Variants in LRRC8C observed in about 807,000 individuals in gnomAD.
LRRC8C encodes leucine rich repeat containing 8 VRAC subunit C.
Under a neutral mutation model 55.3 loss-of-function variants are expected in LRRC8C, and 20 were observed. The observed-to-expected ratio is 0.36, with a 90% confidence interval of 0.25 to 0.53. The LOEUF (loss-of-function observed/expected upper bound fraction) is 0.53, where lower values mean the gene tolerates loss of function less well. Ranked by LOEUF, LRRC8C falls within the 20% of genes least tolerant of loss-of-function variation. The pLI is 0.92. For missense variants in LRRC8C, 659 were observed against 951.4 expected (o/e 0.69, Z 4.04); for synonymous variants, 376 against 360.7 (o/e 1.04, Z -0.48).
At chr1:89,620,479 A>T in the LRRC8C span, among the ~76,000 whole-genome samples, 12 of 152,258 alleles carry the variant, frequency 7.9e-5, no homozygotes, top group South Asian at 2.1e-3. Context: ...GATGGTATAA[A>T]GACACATGCA....
At chr1:89,658,511 G>T (rs1266570162) in intron 1 of LRRC8C, among the ~76,000 whole-genome samples, 2 of 152,122 alleles carry the variant, frequency 1.3e-5, no homozygotes, top group African/African-American at 4.8e-5. Flanking sequence ...AAATGGGGCA[G>T]GTGGTAGAAT....
At chr1:89,691,919 A>C (rs1658037513) in intron 2 of LRRC8C, among the ~76,000 whole-genome samples, 2 of 152,256 alleles carry the variant, frequency 1.3e-5, no homozygotes, top group Non-Finnish European at 2.9e-5. Context: ...TTTAAGGGGC[A>C]TTCACTATAT....
intron 1 of LRRC8C, among the ~76,000 whole-genome samples, chr1:89,653,587 T>C (rs1656852101): frequency 6.6e-6 from 1 of 152,214 alleles, no homozygotes; most frequent in African/African-American, 2.4e-5. Flanking sequence ...ATGGAACCTA[T>C]TATAATAAAA....
upstream of LRRC8C, among the ~76,000 whole-genome samples, chr1:89,631,266 A>G (rs1656100314): frequency 6.6e-6 from 1 of 152,186 alleles, no homozygotes; most frequent in Admixed American, 6.5e-5. Context: ...GAGGGGGCAG[A>G]TAAAAAGAAC....
intron 1 of LRRC8C, among the ~76,000 whole-genome samples, chr1:89,658,156 A>G (rs1657003643): frequency 6.6e-6 from 1 of 152,154 alleles, no homozygotes; most frequent in Non-Finnish European, 1.5e-5. Context: ...TGGTTTAACT[A>G]GCGTTTCTGG....
chr1:89,689,390 G>A (rs866817896), intron 2 of LRRC8C, among the ~76,000 whole-genome samples: 6 of 152,162 alleles, frequency 3.9e-5, no homozygotes, highest in Non-Finnish European at 5.9e-5. Flanking sequence ...TTTGTTCTGA[G>A]TGAGTTAGAA....
intron 1 of LRRC8C, among the ~76,000 whole-genome samples, chr1:89,651,003 A>G (rs1190056078): frequency 1.3e-5 from 2 of 152,208 alleles, no homozygotes; most frequent in Non-Finnish European, 2.9e-5. Flanking sequence ...TCAAATTGCC[A>G]TATCTCAGAA....
chr1:89,627,655 T>A, the LRRC8C span, among the ~76,000 whole-genome samples: 1 of 152,176 alleles, frequency 6.6e-6, no homozygotes, highest in African/African-American at 2.4e-5. Flanking sequence ...AAGTAGTGAG[T>A]AAGCATGAGA....
intron 2 of LRRC8C, among the ~76,000 whole-genome samples, chr1:89,691,673 G>C (rs1369037069): frequency 1.3e-5 from 2 of 152,116 alleles, no homozygotes; most frequent in East Asian, 3.9e-4. Context: ...TAGATAACTT[G>C]CCCCAAAGCC....
At chr1:89,651,155 A>G (rs932060113) in intron 1 of LRRC8C, among the ~76,000 whole-genome samples, 1 of 152,196 alleles carries the variant, frequency 6.6e-6, no homozygotes, top group South Asian at 2.1e-4. Context: ...GAACCATTGC[A>G]ACAGGAATTG....
At position 89,718,385 on chromosome 1, in the gene LRRC8C, T is replaced by A. The variant is rs1283867901; in HGVS notation, c.*3403T>A. 1 of 152,184 alleles carries A rather than the reference T, an allele frequency of 6.6e-6. No homozygotes were observed. The highest frequency in any genetic ancestry group is 1.5e-5 in the Non-Finnish European group (1 of 68,024). 9.4% of individuals were successfully genotyped at this position (152,184 alleles called of 1,614,324 possible). A position where few individuals can be genotyped will look rare whatever the true frequency, so the allele number is the denominator to read the frequency against. On this transcript the variant is annotated 3_prime_UTR_variant, in exon 3 of 3. Coordinates refer to ENST00000370454, the MANE Select transcript of LRRC8C (RefSeq NM_032270.5). ...AGAGGGTCTTAGACAAAAATCTTCCTTGTATTTACTTGGGTTAAGTGAAGT... is the reference window on the plus strand; with the variant it reads ...AGAGGGTCTTAGACAAAAATCTTCCATGTATTTACTTGGGTTAAGTGAAGT...
intron 1 of LRRC8C, among the ~76,000 whole-genome samples, chr1:89,644,385 A>G (rs559292286): frequency 6.6e-6 from 1 of 152,302 alleles, no homozygotes; most frequent in Non-Finnish European, 1.5e-5. Flanking sequence ...CATGTTGCCT[A>G]CACTTGCTGC....
At chr1:89,702,139 G>A (rs962286753) in intron 2 of LRRC8C, among the ~76,000 whole-genome samples, 15 of 151,976 alleles carry the variant, frequency 9.9e-5, no homozygotes, top group Non-Finnish European at 1.9e-4. Context: ...GACTCTGTGA[G>A]GCCTGACATC....
intron 1 of LRRC8C, among the ~76,000 whole-genome samples, chr1:89,683,915 A>C (rs1407752426): frequency 6.6e-6 from 1 of 152,234 alleles, no homozygotes; most frequent in Non-Finnish European, 1.5e-5. Flanking sequence ...AATAGATTGC[A>C]GAAGCAGATA....
At chr1:89,640,647 C>G (rs977787680) in intron 1 of LRRC8C, among the ~76,000 whole-genome samples, 3 of 152,178 alleles carry the variant, frequency 2.0e-5, no homozygotes, top group Admixed American at 2.0e-4. Context: ...GTCCAGCACA[C>G]ATAACTTTCT....
chr1:89,699,942 G>A (rs1658273374), intron 2 of LRRC8C, among the ~76,000 whole-genome samples: 2 of 152,156 alleles, frequency 1.3e-5, no homozygotes, highest in African/African-American at 4.8e-5. Flanking sequence ...CATTTTCAGA[G>A]TTAATTCTAT....
intron 1 of LRRC8C, among the ~76,000 whole-genome samples, chr1:89,680,238 C>T (rs991643471): frequency 1.3e-5 from 2 of 152,038 alleles, no homozygotes; most frequent in East Asian, 1.9e-4. Flanking sequence ...CCACTACGCC[C>T]GGCTAATTTT....
intron 1 of LRRC8C, among the ~76,000 whole-genome samples, chr1:89,636,829 A>C (rs1350420501): frequency 6.6e-6 from 1 of 152,184 alleles, no homozygotes; most frequent in African/African-American, 2.4e-5. Context: ...GCTATTTTAA[A>C]ATTTTTTTAA....
At chr1:89,696,109 A>G (rs1196594774) in intron 2 of LRRC8C, among the ~76,000 whole-genome samples, 5 of 152,218 alleles carry the variant, frequency 3.3e-5, no homozygotes, top group African/African-American at 7.2e-5. Context: ...ACAGAGATTG[A>G]GAGAGGTCTT....
Sources: gnomAD v4.1 joint callset for allele counts (sites outside exome capture counted in the v4.1 genomes callset) on GRCh38, gnomAD v4.1.1 for gene constraint, MANE v1.5 for transcripts, NCBI Gene and HGNC (gene_info 2026-07-23, HGNC 2026-07-21) for gene names.